SCHIP1: variants seen among roughly 807,000 people sequenced by gnomAD.
The protein encoded by SCHIP1 is schwannomin-interacting protein 1.
In SCHIP1, 8 loss-of-function variants were observed where a neutral mutation model predicts 29.7. The observed-to-expected ratio is 0.27, with a 90% CI of 0.16 to 0.49. The LOEUF (loss-of-function observed/expected upper bound fraction) is 0.49, where lower values mean the gene tolerates loss of function less well. Ranked by LOEUF, SCHIP1 falls within the 20% of genes least tolerant of loss-of-function variation. The pLI is 0.99. For missense variants in SCHIP1, 193 were observed against 294.6 expected, an observed-to-expected ratio of 0.66 and a Z score of 2.52; for synonymous variants, 76 against 94.9, an observed-to-expected ratio of 0.80 and a Z score of 1.16.
chr3:159,455,046 C>A, the SCHIP1 span, among the ~76,000 whole-genome samples: 74 of 152,270 alleles, frequency 4.9e-4, no homozygotes, highest in Non-Finnish European at 1.5e-4. Flanking sequence ...AGATGAGACC[C>A]AGGTATTTGC....
chr3:159,835,764 T>C (rs1743602946), upstream of SCHIP1, among the ~76,000 whole-genome samples: 1 of 152,204 alleles, frequency 6.6e-6, no homozygotes, highest in African/African-American at 2.4e-5. Context: ...CCTATGCCCC[T>C]TCCGGGTCAG....
the SCHIP1 span, among the ~76,000 whole-genome samples, chr3:159,585,844 TA>T: frequency 2.6e-5 from 4 of 152,180 alleles, no homozygotes; most frequent in Non-Finnish European, 1.5e-5. Context: ...TAGAATGTTT[TA>T]TCATAATTTT....
chr3:159,546,814 T>C, the SCHIP1 span, among the ~76,000 whole-genome samples: 11 of 152,232 alleles, frequency 7.2e-5, no homozygotes, highest in Non-Finnish European at 1.6e-4. Context: ...CTTTATCCAG[T>C]CTATCATTGA....
chr3:159,786,526 A>G, the SCHIP1 span, among the ~76,000 whole-genome samples: 1 of 152,232 alleles, frequency 6.6e-6, no homozygotes, highest in Non-Finnish European at 1.5e-5. Flanking sequence ...CTTCTTAAAT[A>G]TCAATGACTA....
chr3:159,559,202 A>G, the SCHIP1 span, among the ~76,000 whole-genome samples: 2 of 152,108 alleles, frequency 1.3e-5, no homozygotes, highest in African/African-American at 4.8e-5. Context: ...TAGAGACCCA[A>G]CTCTGCACAG....
At chr3:159,422,044 T>C in the SCHIP1 span, among the ~76,000 whole-genome samples, 1 of 152,330 alleles carries the variant, frequency 6.6e-6, no homozygotes, top group South Asian at 2.1e-4. Context: ...GAGAGTTGCA[T>C]TATATTTTGT....
the SCHIP1 span, among the ~76,000 whole-genome samples, chr3:159,499,976 T>G: frequency 7.3e-6 from 1 of 137,186 alleles, no homozygotes; most frequent in African/African-American, 2.7e-5. Flanking sequence ...GTTTATCCCC[T>G]CATTTTATAC....
the SCHIP1 span, among the ~76,000 whole-genome samples, chr3:159,642,121 A>G: frequency 6.6e-6 from 1 of 152,098 alleles, no homozygotes; most frequent in Non-Finnish European, 1.5e-5. Context: ...TAAAACGACA[A>G]AGCACCGCAA....
chr3:159,622,391 A>G, the SCHIP1 span, among the ~76,000 whole-genome samples: 1 of 151,790 alleles, frequency 6.6e-6, no homozygotes, highest in Admixed American at 6.6e-5. Context: ...GGCATAAAAG[A>G]TACATGATCT....
the SCHIP1 span, among the ~76,000 whole-genome samples, chr3:159,429,147 T>A: frequency 2.6e-5 from 4 of 151,662 alleles, no homozygotes; most frequent in Admixed American, 2.0e-4. Flanking sequence ...TATACATATG[T>A]AACTAACCTG....
At chr3:159,415,408 C>T in the SCHIP1 span, among the ~76,000 whole-genome samples, 1 of 152,256 alleles carries the variant, frequency 6.6e-6, no homozygotes, top group African/African-American at 2.4e-5. Context: ...GGTATTAAGC[C>T]TAGTACCCAA....
chr3:159,397,376 C>T, the SCHIP1 span, among the ~76,000 whole-genome samples: 1 of 152,220 alleles, frequency 6.6e-6, no homozygotes, highest in Admixed American at 6.5e-5. Flanking sequence ...AACTGCATTC[C>T]TTTGGAGGAG....
the SCHIP1 span, among the ~76,000 whole-genome samples, chr3:159,513,234 A>C: frequency 6.6e-6 from 1 of 152,152 alleles, no homozygotes; most frequent in East Asian, 1.9e-4. Flanking sequence ...GGGAGATTTG[A>C]TGTGGGGGGT....
At chr3:159,313,787 A>C in the SCHIP1 span, among the ~76,000 whole-genome samples, 1 of 152,036 alleles carries the variant, frequency 6.6e-6, no homozygotes, top group East Asian at 1.9e-4. Flanking sequence ...ATGTCTCCTT[A>C]ATCTCCTCTA....
the SCHIP1 span, among the ~76,000 whole-genome samples, chr3:159,814,217 G>A: frequency 6.6e-6 from 1 of 152,206 alleles, no homozygotes. Context: ...CCTTTCACCC[G>A]GCTTGGATCC....
chr3:159,293,994 G>C, the SCHIP1 span, among the ~76,000 whole-genome samples: 2 of 152,130 alleles, frequency 1.3e-5, no homozygotes, highest in African/African-American at 4.8e-5. Flanking sequence ...TCCCAGTACT[G>C]TCCAAAGACA....
the SCHIP1 span, among the ~76,000 whole-genome samples, chr3:159,581,638 G>C: frequency 6.6e-6 from 1 of 152,138 alleles, no homozygotes; most frequent in African/African-American, 2.4e-5. Flanking sequence ...GAGAAGGGGA[G>C]AGCAGTCTAA....
the SCHIP1 span, among the ~76,000 whole-genome samples, chr3:159,482,326 G>A: frequency 1.6e-4 from 25 of 152,224 alleles, no homozygotes; most frequent in Non-Finnish European, 2.8e-4. Context: ...CAAGAAGGAC[G>A]TATGAATACT....
At chr3:159,370,562 AGAGT>A in the SCHIP1 span, among the ~76,000 whole-genome samples, 2 of 152,194 alleles carry the variant, frequency 1.3e-5, no homozygotes, top group African/African-American at 4.8e-5. Context: ...TGAGTCTGTG[AGAGT>A]GTTTCCAGAA....
Sources: allele counts gnomAD v4.1 joint callset (sites outside exome capture counted in the v4.1 genomes callset), GRCh38; gene constraint gnomAD v4.1.1; transcripts MANE v1.5; gene names NCBI Gene and HGNC (gene_info 2026-07-23, HGNC 2026-07-21).